Variants in FANCE observed in about 807,000 individuals in gnomAD.
The protein encoded by FANCE is FA complementation group E, also known as Fanconi anemia group E protein.
Under a neutral mutation model 57.8 loss-of-function variants are expected in FANCE, and 42 were observed. The ratio of observed to expected loss-of-function variants is 0.73; its 90% CI spans 0.57 to 0.94. The LOEUF (loss-of-function observed/expected upper bound fraction) is 0.94, where lower values mean the gene tolerates loss of function less well. FANCE is among the 40% of genes least tolerant of loss of function. The pLI is 0.00. For synonymous variants in FANCE, 251 were observed against 286.4 expected (o/e 0.88, Z 1.25); for missense variants, 608 against 661.8 (o/e 0.92, Z 0.89).
At position 35,452,517 on chromosome 6, in the gene FANCE, A is replaced by AG. The variant is rs1281232816; in HGVS notation, c.-24dup. On this transcript the variant is annotated 5_prime_UTR_variant, in exon 1 of 10. Coordinates refer to ENST00000229769, the MANE Select transcript of FANCE (RefSeq NM_021922.3). ...CTGAGCTGAGGCCCCACACCAGAGT[A>AG]GGGGGCGGCGCGGCACCCGTGCCCC... is the stretch of plus-strand genomic sequence containing the variant. 1 of 1,274,922 alleles carries AG rather than the reference A, an allele frequency of 7.8e-7. No individual in the cohort carries two copies. The allele number at this position is 1,274,922 out of a possible 1,614,324, so 79.0% of individuals were successfully genotyped here.
Position 35,456,085 on chromosome 6 carries a change from A to C in FANCE, c.587A>C (p.Gln196Pro). 6.2e-7 allele frequency: 1 copy of C among 1,613,974 alleles called. No individual in the cohort carries two copies. The highest frequency in any genetic ancestry group is 8.5e-7 in the Non-Finnish European group (1 of 1,179,982). ...GAAGAGGAGAACAGGGACTCCCAGC[A>C]GCCTGGGAAACGCAGAAAGGACTCA... ...PEEEENRDSQ[Q>P]PGKRRKDSEE... Residue 196 changes from glutamine (Q) to proline (P), a missense_variant, in exon 2 of 10, where the codon CAG becomes CCG. Coordinates refer to ENST00000229769, the MANE Select transcript of FANCE (RefSeq NM_021922.3). The surrounding 1 kb of genome is among the most constrained non-coding windows in gnomAD (Gnocchi z 4.3).
At chr6:35,458,474 G>C in intron 5 of FANCE, 34 bp downstream of exon 5, 1 of 1,613,198 alleles carries the variant, frequency 6.2e-7, no homozygotes, top group Non-Finnish European at 8.5e-7. Context: ...GAGTGCCAAG[G>C]ACAATGGGGA....
rs1060501874 is a variant in FANCE, at chr6:35,456,310, C to T, written c.812C>T (p.Ala271Val). ...TGEDGSNLDD[A>V]KGLAESLELP... ...GAGGACGGTTCGAATCTGGATGATG[C>T]TAAAGGTCTGGCTGAGAGTTTGGAG... is the stretch of plus-strand genomic sequence containing the variant. The change falls in exon 2 of 10, where the codon GCT becomes GTT. Residue 271 changes from alanine to valine, a missense_variant. By Grantham distance (64) the Ala-to-Val change is moderately conservative. Coordinates refer to ENST00000229769, the MANE Select transcript of FANCE (RefSeq NM_021922.3). This position sits in a 1 kb window ranked among gnomAD's most constrained non-coding sequence, Gnocchi z 4.3. 4 of 1,614,174 alleles carry T rather than the reference C, an allele frequency of 2.5e-6. No individual in the cohort carries two copies. Among genetic ancestry groups the T allele is most frequent in the Non-Finnish European group, 3.4e-6 (4 of 1,180,046 alleles).
In FANCE at chr6:35,456,185, T is replaced by C. The variant is rs1767333853; in HGVS notation, c.687T>C (p.His229=). The C allele has an allele frequency of 6.2e-7, 1 of 1,613,926 alleles. No homozygotes were observed. The highest frequency in any genetic ancestry group is 1.1e-5 in the South Asian group (1 of 91,082). The change falls in exon 2 of 10, where the codon CAT becomes CAC. Residue 229 remains histidine (H), a synonymous_variant. Transcript: ENST00000229769. The surrounding 1 kb of genome is among the most constrained non-coding windows in gnomAD (Gnocchi z 4.3). ...RLRCWEEEED[H]EKERPEHKSL... ...GGTGTTGGGAAGAGGAAGAAGATCA[T>C]GAGAAGGAGAGACCCGAACATAAGT...
chr6:35,459,152 G>C (rs771032003), intron 5 of FANCE, among the ~76,000 whole-genome samples, 179 bp from the exon 6 acceptor site: 8 of 152,096 alleles, frequency 5.3e-5, no homozygotes, highest in Admixed American at 2.0e-4. Context: ...CAGGGATTTG[G>C]GAACTGAGCA....
rs1767156443 is a variant in FANCE, at chr6:35,452,694, T to C, written c.149T>C (p.Leu50Pro). ...ARRGLGVLRA[L>P]GSRGWEPFDW... ...CGCGGCCTGGGGGTGCTCCGGGCGC[T>C]GGGCAGCCGCGGCTGGGAGCCCTTC... Residue 50 changes from leucine (L) to proline (P), a missense_variant, in exon 1 of 10, where the codon CTG becomes CCG. Coordinates refer to ENST00000229769, the MANE Select transcript of FANCE (RefSeq NM_021922.3). 2.4e-6 allele frequency: 3 copies of C among 1,239,582 alleles called. No individual in the cohort carries two copies. Among genetic ancestry groups the C allele is most frequent in the Non-Finnish European group, 3.0e-6 (3 of 992,278 alleles). The allele number at this position is 1,239,582 out of a possible 1,614,324, so 76.8% of individuals were successfully genotyped here.
Position 35,452,616 on chromosome 6 carries a change from C to T in FANCE, c.71C>T (p.Ala24Val), listed in dbSNP as rs1045892220. 1 of 1,284,060 alleles carries T rather than the reference C, an allele frequency of 7.8e-7. No homozygotes were observed. Among genetic ancestry groups the T allele is most frequent in the Non-Finnish European group, 9.8e-7 (1 of 1,016,328 alleles). 79.5% of individuals were successfully genotyped at this position (1,284,060 alleles called of 1,614,324 possible). A position where few individuals can be genotyped will look rare whatever the true frequency, so the allele number is the denominator to read the frequency against. Residue 24 changes from alanine to valine, a missense_variant, in exon 1 of 10, where the codon GCC (alanine) becomes GTC (valine). Ala to Val is a moderately conservative substitution (Grantham distance 64, BLOSUM62 0). Coordinates refer to ENST00000229769, the MANE Select transcript of FANCE (RefSeq NM_021922.3). ...VEPAPWAQLE[A>V]PARLLLQALQ... is the part of the protein sequence containing the mutation. ...CCGGCGCCCTGGGCGCAGCTGGAGGCCCCCGCCCGCCTCCTGCTGCAGGCG... is the reference window on the plus strand; with the variant it reads ...CCGGCGCCCTGGGCGCAGCTGGAGGTCCCCGCCCGCCTCCTGCTGCAGGCG...
chr6:35,459,479 C>A (rs748733012), intron 6 of FANCE, 25 bp downstream of exon 6: 1 of 1,613,754 alleles, frequency 6.2e-7, no homozygotes, highest in East Asian at 2.2e-5. Context: ...AGCCCCAGGC[C>A]CAGTAGCTCT....
In FANCE at chr6:35,452,619, C is replaced by T. The variant is rs1767151288; in HGVS notation, c.74C>T (p.Pro25Leu). The T allele has an allele frequency of 4.7e-6, 6 of 1,281,444 alleles. No individual in the cohort carries two copies. Among genetic ancestry groups the T allele is most frequent in the Non-Finnish European group, 5.9e-6 (6 of 1,015,334 alleles). The allele number at this position is 1,281,444 out of a possible 1,614,324, so 79.4% of individuals were successfully genotyped here. Reference protein sequence around the residue: ...EPAPWAQLEAPARLLLQALQA... With the variant: ...EPAPWAQLEALARLLLQALQA... ...GCGCCCTGGGCGCAGCTGGAGGCCC[C>T]CGCCCGCCTCCTGCTGCAGGCGCTG... Residue 25 changes from proline to leucine, a missense_variant, in exon 1 of 10, where the codon CCC (proline) becomes CTC (leucine). Physicochemically the swap from Pro to Leu is moderately conservative, Grantham distance 98. Transcript: ENST00000229769.
chr6:35,464,260 A>T, intron 9 of FANCE, among the ~76,000 whole-genome samples: 1 of 109,698 alleles, frequency 9.1e-6, no homozygotes, highest in African/African-American at 3.2e-5. Flanking sequence ...TTTTTTTGAG[A>T]CAGAGTCTCA....
intron 1 of FANCE, among the ~76,000 whole-genome samples, chr6:35,454,363 C>T (rs938180000): frequency 6.6e-6 from 1 of 152,224 alleles, no homozygotes; most frequent in Non-Finnish European, 1.5e-5. Context: ...CCACTGCGCC[C>T]AGCCCATCTT....
rs1767139754 is a variant in FANCE, at chr6:35,452,448, G to A, written c.-98G>A. 1.7e-6 allele frequency: 2 copies of A among 1,158,176 alleles called. No individual in the cohort carries two copies. Among genetic ancestry groups the A allele is most frequent in the East Asian group, 6.8e-5 (2 of 29,442 alleles). The allele number at this position is 1,158,176 out of a possible 1,614,324, so 71.7% of individuals were successfully genotyped here. ...CAGGCGCTGGAGCTGGCCCGCCACCGCCGCGTCAGGGACGGCGCTGGAGTC... is the reference window on the plus strand; with the variant it reads ...CAGGCGCTGGAGCTGGCCCGCCACCACCGCGTCAGGGACGGCGCTGGAGTC... On this transcript the variant is annotated 5_prime_UTR_variant, in exon 1 of 10. Coordinates refer to ENST00000229769, the MANE Select transcript of FANCE (RefSeq NM_021922.3).
chr6:35,457,538 C>G lies in FANCE; in HGVS notation c.856-18C>G, dbSNP rs780983039. The G allele has an allele frequency of 1.2e-6, 2 of 1,613,578 alleles. No homozygotes were observed. Among genetic ancestry groups the G allele is most frequent in the Non-Finnish European group, 1.7e-6 (2 of 1,179,958 alleles). ...TGCAGGGGGAGGGACGTAGCAGTGACTGGGCTCTCCTCCACAGGACCAGCT... is the reference window on the plus strand; with the variant it reads ...TGCAGGGGGAGGGACGTAGCAGTGAGTGGGCTCTCCTCCACAGGACCAGCT... On this transcript the variant is annotated intron_variant, in intron 2 of 9. Coordinates refer to ENST00000229769, the MANE Select transcript of FANCE (RefSeq NM_021922.3).
At chr6:35,457,381 C>T (rs1767388274) in intron 2 of FANCE, among the ~76,000 whole-genome samples, 175 bp from the exon 3 acceptor site, 1 of 152,166 alleles carries the variant, frequency 6.6e-6, no homozygotes, top group Non-Finnish European at 1.5e-5. Flanking sequence ...TCTCCATCCT[C>T]AGCCTCCCAA....
intron 5 of FANCE, among the ~76,000 whole-genome samples, 162 bp from the exon 6 acceptor site, chr6:35,459,169 G>T (rs1581703822): frequency 6.6e-6 from 1 of 152,114 alleles, no homozygotes; most frequent in Non-Finnish European, 1.5e-5. Flanking sequence ...AGCAAGAGAG[G>T]TATGTATCTT....
chr6:35,455,995 G>C lies in FANCE; in HGVS notation c.497G>C (p.Ser166Thr), dbSNP rs887519800. 1.2e-6 allele frequency: 2 copies of C among 1,613,160 alleles called. No homozygotes were observed. Among genetic ancestry groups the C allele is most frequent in the African/African-American group, 2.7e-5 (2 of 74,878 alleles). Residue 166 changes from serine to threonine, a missense_variant, in exon 2 of 10, where the codon AGT becomes ACT. By Grantham distance (58) the Ser-to-Thr change is moderately conservative. Coordinates refer to ENST00000229769, the MANE Select transcript of FANCE (RefSeq NM_021922.3). ...GAAAGATGCCAGAGACAGCTCCAAA[G>C]TCTATGTAGGGGGCTGGGCCTGGGG... Reference protein sequence around the residue: ...LSERCQRQLQSLCRGLGLGGR... With the variant: ...LSERCQRQLQTLCRGLGLGGR...
At position 35,466,542 on chromosome 6, in the gene FANCE, G is replaced by T; in HGVS notation, c.*197G>T. ...GCCAGCAGGGAGGCTCCTGGGCTAAGGGAGCTCAGCTATATTTTCTTTTTC... is the reference window on the plus strand; with the variant it reads ...GCCAGCAGGGAGGCTCCTGGGCTAATGGAGCTCAGCTATATTTTCTTTTTC... On this transcript the variant is annotated 3_prime_UTR_variant, in exon 10 of 10. Coordinates refer to ENST00000229769, the MANE Select transcript of FANCE (RefSeq NM_021922.3). 1 of 606,390 alleles carries T rather than the reference G, an allele frequency of 1.6e-6. No individual in the cohort carries two copies. Among genetic ancestry groups the T allele is most frequent in the Admixed American group, 2.9e-5 (1 of 35,074 alleles). The allele number at this position is 606,390 out of a possible 1,614,324, so 37.6% of individuals were successfully genotyped here.
intron 7 of FANCE, among the ~76,000 whole-genome samples, chr6:35,460,152 G>A (rs1767529074): frequency 6.6e-6 from 1 of 151,760 alleles, no homozygotes; most frequent in Non-Finnish European, 1.5e-5. Flanking sequence ...GTCTTGCCCT[G>A]TTGCCCAGGC....
intron 9 of FANCE, among the ~76,000 whole-genome samples, chr6:35,464,718 G>C (rs1767749828): frequency 6.7e-6 from 1 of 148,624 alleles, no homozygotes; most frequent in Admixed American, 6.7e-5. Context: ...TCAGCCCTGT[G>C]AGAGATATTC....
Sources: allele counts gnomAD v4.1 joint callset (sites outside exome capture counted in the v4.1 genomes callset), GRCh38; gene constraint gnomAD v4.1.1; non-coding constraint Gnocchi (gnomAD v3.1); transcripts MANE v1.5; gene names NCBI Gene and HGNC (gene_info 2026-07-23, HGNC 2026-07-21).